The following DLGAP1 variants were observed in gnomAD, a reference collection of about 807,000 sequenced individuals.
DLGAP1 encodes DLG associated protein 1, also known as disks large-associated protein 1.
A neutral mutation model predicts 90.8 loss-of-function variants in DLGAP1; 11 were observed. The observed-to-expected ratio is 0.12, with a 90% CI of 0.08 to 0.20. The LOEUF is 0.20. DLGAP1 is among the 10% of genes least tolerant of loss of function. The pLI, the probability that DLGAP1 is intolerant of heterozygous loss-of-function variation, is 1.00. For synonymous variants in DLGAP1, 558 were observed against 540.7 expected (o/e 1.03, Z -0.44); for missense variants, 1,050 against 1,333.8 (o/e 0.79, Z 3.31).
At chr18:4,061,380 T>C (rs1257692735) in intron 2 of DLGAP1, among the ~76,000 whole-genome samples, 1 of 33,076 alleles carries the variant, frequency 3.0e-5, no homozygotes, top group African/African-American at 3.9e-4. Flanking sequence ...GAAAGATTAA[T>C]CTTATAAAAA....
intron 5 of DLGAP1, among the ~76,000 whole-genome samples, chr18:3,799,569 A>G (rs964753512): frequency 9.9e-5 from 15 of 151,510 alleles, no homozygotes; most frequent in African/African-American, 3.4e-4. Flanking sequence ...TTTGAATTTT[A>G]CATTGTTACC....
intron 1 of DLGAP1, among the ~76,000 whole-genome samples, chr18:4,272,117 G>A (rs754004202): frequency 6.6e-6 from 1 of 152,156 alleles, no homozygotes; most frequent in African/African-American, 2.4e-5. Context: ...TAATATTAAG[G>A]TAGAAGAGTA....
chr18:4,079,682 T>C (rs919598273), intron 2 of DLGAP1, among the ~76,000 whole-genome samples: 3 of 122,654 alleles, frequency 2.4e-5, no homozygotes, highest in African/African-American at 3.0e-5. Flanking sequence ...CCAAAAGCTA[T>C]TGAAATTAAA....
At chr18:4,196,859 T>C (rs1031722292) in intron 1 of DLGAP1, among the ~76,000 whole-genome samples, 3 of 152,046 alleles carry the variant, frequency 2.0e-5, no homozygotes, top group Non-Finnish European at 4.4e-5. Flanking sequence ...AAATAAATAT[T>C]AAAAGAAAAT....
At chr18:3,682,131 T>TA (rs765642309) in intron 7 of DLGAP1, among the ~76,000 whole-genome samples, 29 of 106,488 alleles carry the variant, frequency 2.7e-4, no homozygotes, top group South Asian at 4.9e-4. Context: ...AAAAAAAAAA[T>TA]AAAAAAAAAT....
intron 9 of DLGAP1, among the ~76,000 whole-genome samples, chr18:3,552,705 A>T (rs2053543759): frequency 6.6e-6 from 1 of 152,170 alleles, no homozygotes; most frequent in African/African-American, 2.4e-5. Context: ...TTAGCCTCTG[A>T]AGAAGAGACA....
chr18:4,432,801 T>C (rs966744063), intron 1 of DLGAP1, among the ~76,000 whole-genome samples: 33 of 152,134 alleles, frequency 2.2e-4, no homozygotes, highest in African/African-American at 7.2e-4. Context: ...CTCTAAGGAA[T>C]ATTCTTATAA....
intron 1 of DLGAP1, among the ~76,000 whole-genome samples, chr18:4,307,192 G>C (rs768020453): frequency 1.3e-5 from 2 of 152,256 alleles, no homozygotes; most frequent in Middle Eastern, 6.8e-3. Flanking sequence ...TGGAAGAAAT[G>C]CATTCCTAAA....
chr18:3,656,989 G>T (rs992074862), intron 7 of DLGAP1, among the ~76,000 whole-genome samples: 2 of 151,844 alleles, frequency 1.3e-5, no homozygotes, highest in Non-Finnish European at 2.9e-5. Flanking sequence ...CTTGTGATCC[G>T]CCCGCCTCAG....
intron 7 of DLGAP1, chr18:3,722,600 T>C (rs2062018662): frequency 6.6e-6 from 1 of 152,198 alleles, no homozygotes; most frequent in South Asian, 2.1e-4. Context: ...GAAAACTCAT[T>C]AGCAGAGGGA....
At chr18:3,641,273 C>T (rs966889380) in intron 7 of DLGAP1, among the ~76,000 whole-genome samples, 10 of 151,838 alleles carry the variant, frequency 6.6e-5, no homozygotes, top group East Asian at 1.9e-4. Flanking sequence ...AGAGGCCGGG[C>T]GCACTGGCTC....
chr18:3,972,340 C>G (rs1002637624), intron 3 of DLGAP1, among the ~76,000 whole-genome samples: 1 of 151,940 alleles, frequency 6.6e-6, no homozygotes, highest in African/African-American at 2.4e-5. Context: ...GGCAAAATTC[C>G]GTCTCTATTT....
chr18:4,215,437 A>G (rs557367162), intron 1 of DLGAP1, among the ~76,000 whole-genome samples: 2 of 152,290 alleles, frequency 1.3e-5, no homozygotes, highest in Admixed American at 6.5e-5. Flanking sequence ...GGACGAGCAG[A>G]GTCTCATTCT....
chr18:3,587,625 A>G (rs1201028523), intron 7 of DLGAP1, among the ~76,000 whole-genome samples: 1 of 152,154 alleles, frequency 6.6e-6, no homozygotes, highest in African/African-American at 2.4e-5. Flanking sequence ...CATGCTGTGG[A>G]AGCTTTGTTC....
intron 1 of DLGAP1, among the ~76,000 whole-genome samples, chr18:4,158,053 C>T (rs1405463810): frequency 1.3e-5 from 2 of 152,070 alleles, no homozygotes; most frequent in African/African-American, 4.8e-5. Context: ...TGCAATCCTT[C>T]CTTACTCATG....
At chr18:3,659,234 T>A (rs1358638473) in intron 7 of DLGAP1, among the ~76,000 whole-genome samples, 1 of 152,092 alleles carries the variant, frequency 6.6e-6, no homozygotes, top group East Asian at 1.9e-4. Flanking sequence ...AAAATGTAAA[T>A]GTTTTTAAAA....
intron 7 of DLGAP1, among the ~76,000 whole-genome samples, chr18:3,721,326 C>T (rs1246763764): frequency 1.3e-5 from 2 of 152,170 alleles, no homozygotes; most frequent in Non-Finnish European, 2.9e-5. Flanking sequence ...TTAATTTACG[C>T]ATGAGTTGGC....
At chr18:3,638,634 C>T (rs1370411098) in intron 7 of DLGAP1, among the ~76,000 whole-genome samples, 1 of 152,150 alleles carries the variant, frequency 6.6e-6, no homozygotes, top group Non-Finnish European at 1.5e-5. Flanking sequence ...TGGATGACAT[C>T]TTAATGAGAT....
intron 3 of DLGAP1, among the ~76,000 whole-genome samples, chr18:3,982,681 T>C (rs1339522314): frequency 6.6e-6 from 1 of 152,188 alleles, no homozygotes; most frequent in Non-Finnish European, 1.5e-5. Flanking sequence ...CTCCTCATCA[T>C]TAAGTCTTTT....
Sources: gnomAD v4.1 joint callset for allele counts (sites outside exome capture counted in the v4.1 genomes callset) on GRCh38, gnomAD v4.1.1 for gene constraint, MANE v1.5 for transcripts, NCBI Gene and HGNC (gene_info 2026-07-23, HGNC 2026-07-21) for gene names.